MYO1D: variants seen among roughly 807,000 people sequenced by gnomAD.
The protein encoded by MYO1D is myosin ID.
A neutral mutation model predicts 122.0 loss-of-function variants in MYO1D; 83 were observed. That is an observed-to-expected ratio of 0.68 (90% CI 0.57 to 0.82). The LOEUF (loss-of-function observed/expected upper bound fraction) is 0.82. MYO1D is among the 40% of genes least tolerant of loss of function. The probability of loss-of-function intolerance (pLI) is 0.00; values close to 1 mark genes in which losing one functional copy is unlikely to be tolerated. For synonymous variants in MYO1D, 464 were observed against 446.9 expected (o/e 1.04, Z -0.48); for missense variants, 1,157 against 1,269.5 (o/e 0.91, Z 1.35).
At chr17:32,542,908 C>T (rs1386644815) in intron 21 of MYO1D, among the ~76,000 whole-genome samples, 5 of 152,038 alleles carry the variant, frequency 3.3e-5, no homozygotes, top group African/African-American at 9.7e-5. Context: ...AGCTCCACTC[C>T]GACCCTGGGA....
At chr17:32,718,785 T>G (rs971090763) in intron 15 of MYO1D, among the ~76,000 whole-genome samples, 1 of 152,336 alleles carries the variant, frequency 6.6e-6, no homozygotes, top group African/African-American at 2.4e-5. Context: ...TTGCTGCTTC[T>G]CTTATCTTTG....
At chr17:32,689,599 T>C (rs1241571129) in intron 16 of MYO1D, among the ~76,000 whole-genome samples, 1 of 151,990 alleles carries the variant, frequency 6.6e-6, no homozygotes, top group African/African-American at 2.4e-5. Flanking sequence ...GAATTAACAA[T>C]GTGGTTAAAG....
intron 14 of MYO1D, among the ~76,000 whole-genome samples, chr17:32,737,192 A>T (rs2089713710): frequency 2.6e-5 from 4 of 152,216 alleles, no homozygotes; most frequent in Admixed American, 6.5e-5. Context: ...ATAAAAATGA[A>T]GAAACTAAAA....
chr17:32,548,880 A>C (rs1180202729), intron 21 of MYO1D, among the ~76,000 whole-genome samples: 1 of 151,432 alleles, frequency 6.6e-6, no homozygotes, highest in Non-Finnish European at 1.5e-5. Context: ...CGCCTAGCTA[A>C]TTTTTGTATT....
intron 1 of MYO1D, among the ~76,000 whole-genome samples, chr17:32,870,716 A>G (rs925006492): frequency 6.6e-6 from 1 of 152,186 alleles, no homozygotes; most frequent in African/African-American, 2.4e-5. Context: ...GGAAGGGCAA[A>G]TTCTGTAGCA....
intron 16 of MYO1D, chr17:32,686,336 G>A (rs1198021485): frequency 6.6e-6 from 1 of 152,202 alleles, no homozygotes; most frequent in East Asian, 1.9e-4. Flanking sequence ...GCAGCTACCA[G>A]AAGCTGGGAG....
chr17:32,675,455 A>T (rs937843810), intron 16 of MYO1D, among the ~76,000 whole-genome samples: 1 of 152,128 alleles, frequency 6.6e-6, no homozygotes, highest in African/African-American at 2.4e-5. Context: ...ATTTCTTCCT[A>T]AATGTTTTAT....
chr17:32,545,650 T>C (rs999040245), intron 21 of MYO1D, among the ~76,000 whole-genome samples: 1 of 152,154 alleles, frequency 6.6e-6, no homozygotes, highest in Admixed American at 6.5e-5. Context: ...TTAGTGAAGA[T>C]AGTAAAGCAT....
chr17:32,499,658 TAAAC>T (rs1457200811), intron 21 of MYO1D, among the ~76,000 whole-genome samples: 1 of 143,004 alleles, frequency 7.0e-6, no homozygotes, highest in Admixed American at 7.0e-5. Context: ...TAAAAAAAAA[TAAAC>T]AAATAAAAAT....
intron 20 of MYO1D, among the ~76,000 whole-genome samples, chr17:32,609,526 C>T (rs1333746679): frequency 1.3e-5 from 2 of 152,150 alleles, no homozygotes; most frequent in African/African-American, 2.4e-5. Context: ...TAGTTCCATG[C>T]CTATGTTTTA....
intron 1 of MYO1D, among the ~76,000 whole-genome samples, chr17:32,790,864 G>T (rs1332610014): frequency 6.6e-6 from 1 of 152,176 alleles, no homozygotes; most frequent in Non-Finnish European, 1.5e-5. Context: ...CCAGATAAAG[G>T]CCTGGAAATA....
chr17:32,507,936 G>A (rs575938852), intron 21 of MYO1D, among the ~76,000 whole-genome samples: 8 of 133,754 alleles, frequency 6.0e-5, no homozygotes, highest in Admixed American at 3.4e-4. Flanking sequence ...TCGCTCTGTC[G>A]CCCAGGCTAG....
At chr17:32,698,270 C>T (rs895941502) in intron 16 of MYO1D, among the ~76,000 whole-genome samples, 2 of 148,128 alleles carry the variant, frequency 1.4e-5, no homozygotes, top group African/African-American at 5.1e-5. Flanking sequence ...TTCCTTCCTT[C>T]TTCCTTCCTT....
At chr17:32,819,192 G>C (rs2090639138) in intron 1 of MYO1D, among the ~76,000 whole-genome samples, 3 of 151,524 alleles carry the variant, frequency 2.0e-5, no homozygotes, top group African/African-American at 7.3e-5. Flanking sequence ...TCATCATGTA[G>C]AAGTTGGTTT....
intron 21 of MYO1D, among the ~76,000 whole-genome samples, chr17:32,581,939 A>G (rs774504557): frequency 6.6e-6 from 1 of 151,874 alleles, no homozygotes; most frequent in Non-Finnish European, 1.5e-5. Context: ...TAATTTTTGT[A>G]TTTTTAGTAG....
At chr17:32,559,988 G>A (rs1338025157) in intron 21 of MYO1D, among the ~76,000 whole-genome samples, 1 of 152,190 alleles carries the variant, frequency 6.6e-6, no homozygotes. Flanking sequence ...CAGGTGTGGT[G>A]GCTCACGCCT....
chr17:32,864,146 T>C (rs2091104178), intron 1 of MYO1D, among the ~76,000 whole-genome samples: 1 of 151,088 alleles, frequency 6.6e-6, no homozygotes, highest in Admixed American at 6.6e-5. Flanking sequence ...AAATGACATA[T>C]TCCTTGGAAC....
intron 1 of MYO1D, among the ~76,000 whole-genome samples, chr17:32,793,650 A>G (rs2090381803): frequency 6.6e-6 from 1 of 152,170 alleles, no homozygotes; most frequent in African/African-American, 2.4e-5. Flanking sequence ...AACAACTTGG[A>G]AGACAGCACT....
At chr17:32,787,739 C>T (rs1295664132) in intron 1 of MYO1D, among the ~76,000 whole-genome samples, 7 of 152,118 alleles carry the variant, frequency 4.6e-5, no homozygotes, top group Middle Eastern at 3.4e-3. Flanking sequence ...TTTTATTCCT[C>T]GCCCACCTCC....
Sources: allele counts gnomAD v4.1 joint callset (sites outside exome capture counted in the v4.1 genomes callset), GRCh38; gene constraint gnomAD v4.1.1; transcripts MANE v1.5; gene names NCBI Gene and HGNC (gene_info 2026-07-23, HGNC 2026-07-21).